The following XG variants were observed in gnomAD, a reference collection of about 807,000 sequenced individuals.
XG encodes glycoprotein Xg.
In XG, 24 loss-of-function variants were observed where a neutral mutation model predicts 25.7. The observed-to-expected ratio is 0.93, with a 90% confidence interval of 0.68 to 1.31. The LOEUF (loss-of-function observed/expected upper bound fraction) is 1.31, where lower values mean the gene tolerates loss of function less well. XG is among the 40% of genes most tolerant of loss of function. The probability of loss-of-function intolerance (pLI) is 0.00; values close to 1 mark genes in which losing one functional copy is unlikely to be tolerated. For missense variants in XG, 181 were observed against 187.6 expected (o/e 0.96, Z 0.21); for synonymous variants, 77 against 69.2 (o/e 1.11, Z -0.56).
intron 1 of XG, among the ~76,000 whole-genome samples, chrX:2,759,791 C>A (rs1414255332): frequency 3.3e-5 from 5 of 152,198 alleles, no homozygotes; most frequent in Non-Finnish European, 7.3e-5. Flanking sequence ...GGGGTTCTGC[C>A]TGCAGGTGGG....
chrX:2,788,145 C>T (rs1267717839), intron 4 of XG, among the ~76,000 whole-genome samples: 1 of 111,947 alleles, frequency 8.9e-6, no homozygotes, highest in African/African-American at 3.2e-5. Flanking sequence ...CAGTCATTCT[C>T]AGCCCAGATT....
At chrX:2,777,221 G>C (rs2051018644) in intron 3 of XG, among the ~76,000 whole-genome samples, 2 of 152,166 alleles carry the variant, frequency 1.3e-5, no homozygotes, top group Admixed American at 1.3e-4. Context: ...TAACAACAAA[G>C]TGAAACTTAA....
intron 5 of XG, among the ~76,000 whole-genome samples, chrX:2,790,505 GAAA>G (rs55649691): frequency 1.3e-5 from 1 of 79,729 alleles, no homozygotes; most frequent in Non-Finnish European, 2.3e-5. Flanking sequence ...GTCTCAAAAG[GAAA>G]AAAAAAAAAA....
chrX:2,772,323 C>A (rs2050835912), intron 2 of XG, among the ~76,000 whole-genome samples: 1 of 152,120 alleles, frequency 6.6e-6, no homozygotes, highest in South Asian at 2.1e-4. Flanking sequence ...CCCAACTGTC[C>A]ATCAGGGGAT....
At chrX:2,798,369 C>CTTTTT (rs748928232) in intron 7 of XG, among the ~76,000 whole-genome samples, 47 of 83,786 alleles carry the variant, frequency 5.6e-4, no homozygotes, top group East Asian at 1.1e-3. Context: ...ACCATCTTTT[C>CTTTTT]TTTTTTTTTT....
intron 2 of XG, among the ~76,000 whole-genome samples, chrX:2,771,231 T>TC (rs1422291886): frequency 6.6e-6 from 1 of 151,356 alleles, no homozygotes; most frequent in Non-Finnish European, 1.5e-5. Context: ...GCCTCCAATC[T>TC]CCCCAGTTTC....
intron 4 of XG, among the ~76,000 whole-genome samples, chrX:2,783,318 AAAG>A (rs1274687803): frequency 2.2e-5 from 2 of 90,175 alleles, no homozygotes; most frequent in Non-Finnish European, 4.2e-5. Context: ...GCAATTCAAA[AAAG>A]AAAGAGAGTG....
intron 7 of XG, among the ~76,000 whole-genome samples, chrX:2,805,374 G>A (rs1487335951): frequency 8.9e-6 from 1 of 112,469 alleles, no homozygotes; most frequent in Non-Finnish European, 1.9e-5. Flanking sequence ...AGTCCTGGAG[G>A]CTGGAAGTCT....
chrX:2,774,594 C>A (rs570741391), intron 2 of XG, 122 bp from the exon 3 acceptor site: 41 of 1,078,332 alleles, frequency 3.8e-5, no homozygotes, highest in East Asian at 2.6e-4. Context: ...GTGTCTATAT[C>A]ATTTACTTTG....
intron 2 of XG, among the ~76,000 whole-genome samples, chrX:2,773,439 G>T (rs899384167): frequency 6.8e-6 from 1 of 147,646 alleles, no homozygotes; most frequent in African/African-American, 2.5e-5. Flanking sequence ...AGGAAGAAAG[G>T]AGGGTGGGGA....
chrX:2,766,527 A>G (rs1471092827), intron 1 of XG, among the ~76,000 whole-genome samples: 2 of 148,236 alleles, frequency 1.3e-5, no homozygotes, highest in Non-Finnish European at 3.0e-5. Flanking sequence ...ACGCCCAAAC[A>G]AGGCAGGTCA....
intron 6 of XG, among the ~76,000 whole-genome samples, chrX:2,795,134 GAC>G (rs1185549060): frequency 9.3e-6 from 1 of 107,266 alleles, no homozygotes; most frequent in Non-Finnish European, 1.9e-5. Context: ...TGTATATCCT[GAC>G]TTTATATATA....
At chrX:2,804,623 T>C (rs534330233) in intron 7 of XG, among the ~76,000 whole-genome samples, 2 of 111,866 alleles carry the variant, frequency 1.8e-5, no homozygotes, top group African/African-American at 6.5e-5. Context: ...TGTAAGGAGC[T>C]ATTCGGGACA....
chrX:2,775,065 G>A, intron 3 of XG: 1 of 358,386 alleles, frequency 2.8e-6, no homozygotes, highest in Non-Finnish European at 5.2e-6. Context: ...AAATGCTTTG[G>A]TGGATCCTCC....
intron 4 of XG, 63 bp from the exon 5 acceptor site, chrX:2,789,581 T>C (rs2086817155): frequency 2.6e-6 from 2 of 758,681 alleles, no homozygotes; most frequent in Admixed American, 2.9e-5. Context: ...TTCTTATTTA[T>C]AGATGGTATC....
chrX:2,768,642 C>T (rs2124443008), intron 1 of XG, among the ~76,000 whole-genome samples: 1 of 152,250 alleles, frequency 6.6e-6, no homozygotes, highest in South Asian at 2.1e-4. Context: ...ATGGCATGCA[C>T]CTGTAATCCC....
chrX:2,777,817 G>C (rs1440122377), intron 3 of XG, among the ~76,000 whole-genome samples: 1 of 151,108 alleles, frequency 6.6e-6, no homozygotes, highest in East Asian at 2.0e-4. Context: ...TCCCAGCACT[G>C]TAGGAAGCCG....
intron 7 of XG, among the ~76,000 whole-genome samples, chrX:2,802,592 C>T (rs1430902931): frequency 9.1e-6 from 1 of 109,428 alleles, no homozygotes; most frequent in Non-Finnish European, 1.9e-5. Flanking sequence ...TGACAGAGGA[C>T]GGACATGGGT....
At chrX:2,762,025 G>C (rs1249800025) in intron 1 of XG, among the ~76,000 whole-genome samples, 1 of 152,192 alleles carries the variant, frequency 6.6e-6, no homozygotes, top group Admixed American at 6.6e-5. Context: ...CTTGGGCCCA[G>C]ACAGACCTGC....
Sources: allele counts gnomAD v4.1 joint callset (sites outside exome capture counted in the v4.1 genomes callset), GRCh38; gene constraint gnomAD v4.1.1; transcripts MANE v1.5; gene names NCBI Gene and HGNC (gene_info 2026-07-23, HGNC 2026-07-21).